The following STAU2 variants were observed in gnomAD, a reference collection of about 807,000 sequenced individuals.
STAU2 encodes the protein double-stranded RNA-binding protein Staufen homolog 2.
Under a neutral mutation model 65.9 loss-of-function variants are expected in STAU2, and 20 were observed. That is an observed-to-expected ratio of 0.30 (90% CI 0.21 to 0.44). The LOEUF is 0.44. Ranked by LOEUF, STAU2 falls within the 20% of genes least tolerant of loss-of-function variation. STAU2 has a pLI of 1.00. For synonymous variants in STAU2, 232 were observed against 233.9 expected, an observed-to-expected ratio of 0.99 and a Z score of 0.07; for missense variants, 558 against 683.9, an observed-to-expected ratio of 0.82 and a Z score of 2.05.
At chr8:73,669,499 T>C (rs1817499233) in intron 6 of STAU2, among the ~76,000 whole-genome samples, 2 of 152,224 alleles carry the variant, frequency 1.3e-5, no homozygotes, top group African/African-American at 4.8e-5. Context: ...AAAATCAAAA[T>C]CACATGATCC....
At chr8:73,572,065 G>T (rs1281899002) in intron 12 of STAU2, among the ~76,000 whole-genome samples, 1 of 152,048 alleles carries the variant, frequency 6.6e-6, no homozygotes, top group Non-Finnish European at 1.5e-5. Flanking sequence ...TGATAAAGGG[G>T]ATATCACCAC....
At chr8:73,421,508 G>C in intron 14 of STAU2, 43 bp from the exon 15 acceptor site, 1 of 1,525,676 alleles carries the variant, frequency 6.6e-7, no homozygotes, top group African/African-American at 1.4e-5. Context: ...GCCTGGGGTT[G>C]CACATCTTCA....
At position 73,715,827 on chromosome 8, in the gene STAU2, G is replaced by A. The variant is rs549832113; in HGVS notation, c.-17-6665C>T. Reference sequence around the variant, plus strand: ...AATCATGCAGCTTTGAAAAGAGAAAGAGGTACAGAGCTTATGAATCAACAT... The same window carrying A: ...AATCATGCAGCTTTGAAAAGAGAAAAAGGTACAGAGCTTATGAATCAACAT... On this transcript the variant is annotated intron_variant, in intron 3 of 14. Transcript: ENST00000524300. Among the ~76,000 whole-genome samples the A allele has an allele frequency of 1.8e-4, 27 of 152,242 alleles. No individual in the cohort carries two copies. In the South Asian group the frequency reaches 2.1e-3, roughly 12 times the overall value.
intron 6 of STAU2, among the ~76,000 whole-genome samples, chr8:73,647,936 G>A (rs1815514653): frequency 6.6e-6 from 1 of 152,112 alleles, no homozygotes; most frequent in Non-Finnish European, 1.5e-5. Context: ...GTGACAAAAT[G>A]AAACAGAACT....
At chr8:73,427,255 C>A (rs201190577) in intron 13 of STAU2, among the ~76,000 whole-genome samples, 1 of 152,074 alleles carries the variant, frequency 6.6e-6, no homozygotes, top group East Asian at 1.9e-4. Context: ...AGCTCTCTAT[C>A]CACCCTTGGA....
chr8:73,687,335 AATTTAT>A (rs1434054105), intron 5 of STAU2, among the ~76,000 whole-genome samples: 1 of 94,910 alleles, frequency 1.1e-5, no homozygotes, highest in Non-Finnish European at 2.0e-5. Context: ...TTATAAATAT[AATTTAT>A]ATTTATAATT....
intron 6 of STAU2, among the ~76,000 whole-genome samples, chr8:73,624,144 G>GAA (rs893193342): frequency 6.7e-6 from 1 of 149,574 alleles, no homozygotes; most frequent in Non-Finnish European, 1.5e-5. Flanking sequence ...AATAAAAATG[G>GAA]AAAAAAAAAT....
intron 13 of STAU2, among the ~76,000 whole-genome samples, chr8:73,542,550 A>G (rs1185481603): frequency 2.0e-5 from 3 of 152,178 alleles, no homozygotes; most frequent in South Asian, 4.1e-4. Flanking sequence ...CAAAAAGACA[A>G]GTCATAGGGA....
At chr8:73,615,581 C>T (rs1318851892) in intron 8 of STAU2, 94 bp downstream of exon 8, 1 of 887,608 alleles carries the variant, frequency 1.1e-6, no homozygotes, top group Non-Finnish European at 1.8e-6. Flanking sequence ...CACACTAACT[C>T]TTGCAGGATA....
intron 13 of STAU2, among the ~76,000 whole-genome samples, chr8:73,442,309 G>A (rs985767358): frequency 3.5e-5 from 5 of 142,098 alleles, no homozygotes; most frequent in Non-Finnish European, 6.0e-5. Flanking sequence ...AGGCGAGATT[G>A]CACCACTGCG....
At chr8:73,636,740 G>A (rs1159829062) in intron 6 of STAU2, among the ~76,000 whole-genome samples, 2 of 151,296 alleles carry the variant, frequency 1.3e-5, no homozygotes, top group Non-Finnish European at 2.9e-5. Context: ...GCACACAGCT[G>A]TAATCCCAGC....
At chr8:73,654,971 C>T (rs917618210) in intron 6 of STAU2, among the ~76,000 whole-genome samples, 2 of 152,284 alleles carry the variant, frequency 1.3e-5, no homozygotes, top group East Asian at 3.9e-4. Flanking sequence ...AGGCGTGAGC[C>T]ACCGCGCCCG....
chr8:73,622,077 C>T (rs1350651287), intron 6 of STAU2, among the ~76,000 whole-genome samples: 1 of 150,066 alleles, frequency 6.7e-6, no homozygotes, highest in African/African-American at 2.5e-5. Flanking sequence ...CTGCCTCAGC[C>T]TCCCGAGTAG....
intron 6 of STAU2, among the ~76,000 whole-genome samples, chr8:73,638,031 G>A (rs1043063889): frequency 4.0e-5 from 6 of 151,676 alleles, no homozygotes; most frequent in Admixed American, 6.6e-5. Flanking sequence ...AAACAGATTC[G>A]GAATACTATT....
chr8:73,447,889 G>A (rs1026481211), intron 13 of STAU2, among the ~76,000 whole-genome samples: 6 of 152,178 alleles, frequency 3.9e-5, no homozygotes, highest in Admixed American at 6.5e-5. Context: ...CCACCCTCTG[G>A]AAAGCGACAG....
At position 73,421,281 on chromosome 8, in the gene STAU2, T is replaced by C; in HGVS notation, c.*91A>G. On this transcript the variant is annotated 3_prime_UTR_variant, in exon 15 of 15. Coordinates refer to ENST00000524300, the MANE Select transcript of STAU2 (RefSeq NM_001164380.2). ...TCTTCACATAAGACTCAAATAATGG[T>C]ATTAGTCATTCATTTCCCTGAACAC... 1 of 1,034,724 alleles carries C rather than the reference T, an allele frequency of 9.7e-7. No homozygotes were observed. 64.1% of individuals were successfully genotyped at this position (1,034,724 alleles called of 1,614,324 possible).
At chr8:73,661,790 T>C (rs185068050) in intron 6 of STAU2, among the ~76,000 whole-genome samples, 27 of 152,344 alleles carry the variant, frequency 1.8e-4, no homozygotes, top group Admixed American at 1.5e-3. Context: ...TGCTGTTGAA[T>C]AGTATGCCAA....
intron 6 of STAU2, among the ~76,000 whole-genome samples, chr8:73,647,574 T>A (rs1815487080): frequency 6.6e-6 from 1 of 151,498 alleles, no homozygotes; most frequent in Admixed American, 6.6e-5. Flanking sequence ...ACAGAATAAT[T>A]CTGCATCTTT....
chr8:73,446,811 TTAAGAC>T (rs1182187005), intron 13 of STAU2, among the ~76,000 whole-genome samples: 4 of 152,114 alleles, frequency 2.6e-5, no homozygotes, highest in African/African-American at 4.8e-5. Flanking sequence ...TGTAAAGTGT[TTAAGAC>T]TATTTAAATG....
Sources: gnomAD v4.1 joint callset for allele counts (sites outside exome capture counted in the v4.1 genomes callset) on GRCh38, gnomAD v4.1.1 for gene constraint, MANE v1.5 for transcripts, NCBI Gene and HGNC (gene_info 2026-07-23, HGNC 2026-07-21) for gene names.